Variants in GRM7 observed in about 807,000 individuals in gnomAD.
The protein encoded by GRM7 is glutamate metabotropic receptor 7.
GRM7 carries 35 observed loss-of-function variants against 84.5 expected under a neutral mutation model. The observed-to-expected ratio is 0.41, with a 90% CI of 0.32 to 0.55. The LOEUF (loss-of-function observed/expected upper bound fraction) is 0.55, where lower values mean the gene tolerates loss of function less well. Ranked by LOEUF, GRM7 falls within the 20% of genes least tolerant of loss-of-function variation. The probability of loss-of-function intolerance (pLI) is 0.19; values close to 1 mark genes in which losing one functional copy is unlikely to be tolerated. For synonymous variants in GRM7, 487 were observed against 455.1 expected, an observed-to-expected ratio of 1.07 and a Z score of -0.89; for missense variants, 1,003 against 1,194.6, an observed-to-expected ratio of 0.84 and a Z score of 2.36.
chr3:7,633,163 A>G (rs3729648), intron 8 of GRM7, among the ~76,000 whole-genome samples: 108,109 of 152,142 alleles, frequency 0.71, 38,751 homozygotes, highest in East Asian at 0.86. Flanking sequence ...ATCACAGGAC[A>G]AAAACGTGAA....
chr3:7,295,029 C>T (rs574845643), intron 2 of GRM7, among the ~76,000 whole-genome samples: 7 of 152,240 alleles, frequency 4.6e-5, no homozygotes, highest in Non-Finnish European at 5.9e-5. Flanking sequence ...CAATTTATCA[C>T]GTTTTTCTTT....
In GRM7 at chr3:7,250,383, T is replaced by C. The variant is rs577129308; in HGVS notation, c.737-48301T>C. Among the ~76,000 whole-genome samples the C allele has an allele frequency of 9.0e-4, 58 of 64,576 alleles. 1 individual carries two copies. In the South Asian group the frequency reaches 0.04, roughly 45 times the overall value. The allele number at this position is 64,576 out of a possible 152,430, so 42.4% of individuals were successfully genotyped here. On this transcript the variant is annotated intron_variant, in intron 2 of 9. Transcript: ENST00000357716. Reference sequence around the variant, plus strand: ...AAGAGTGAGTATATTTTATAAATTATTTAACTATAGAAATATATTTGGTGT... The same window carrying C: ...AAGAGTGAGTATATTTTATAAATTACTTAACTATAGAAATATATTTGGTGT...
chr3:7,505,909 C>T (rs187298678), intron 7 of GRM7, among the ~76,000 whole-genome samples: 36 of 152,342 alleles, frequency 2.4e-4, no homozygotes, highest in African/African-American at 8.2e-4. Flanking sequence ...TTGATCCATA[C>T]TAATTTCCTT....
chr3:7,401,864 C>T (rs750895471), intron 4 of GRM7, among the ~76,000 whole-genome samples: 2 of 152,110 alleles, frequency 1.3e-5, no homozygotes, highest in East Asian at 3.9e-4. Flanking sequence ...ATGACCCTTA[C>T]AGTTGCCAAT....
chr3:7,090,905 T>C (rs189442000), intron 1 of GRM7, among the ~76,000 whole-genome samples: 14 of 152,270 alleles, frequency 9.2e-5, no homozygotes, highest in Admixed American at 5.2e-4. Flanking sequence ...GGAATTCTAT[T>C]GCAGAGCTTT....
intron 2 of GRM7, among the ~76,000 whole-genome samples, chr3:7,176,707 G>A (rs1695163393): frequency 6.6e-6 from 1 of 152,082 alleles, no homozygotes; most frequent in African/African-American, 2.4e-5. Context: ...TTGTCTCTTA[G>A]AACTCTTGTT....
intron 4 of GRM7, among the ~76,000 whole-genome samples, chr3:7,404,782 G>C (rs997821603): frequency 3.3e-5 from 5 of 151,470 alleles, no homozygotes; most frequent in Non-Finnish European, 7.4e-5. Flanking sequence ...GAACTCTTTT[G>C]AGTCCTACAT....
intron 9 of GRM7, among the ~76,000 whole-genome samples, chr3:7,701,097 G>A (rs1198826948): frequency 6.6e-6 from 1 of 152,174 alleles, no homozygotes; most frequent in East Asian, 1.9e-4. Flanking sequence ...GATATATGAT[G>A]TGGAATTGGC....
chr3:7,190,331 A>T (rs1358983302), intron 2 of GRM7, among the ~76,000 whole-genome samples: 1 of 152,114 alleles, frequency 6.6e-6, no homozygotes, highest in East Asian at 1.9e-4. Flanking sequence ...TCTGTTAGTT[A>T]TTCTCAGCGT....
chr3:7,231,056 T>C (rs534677645), intron 2 of GRM7, among the ~76,000 whole-genome samples: 56 of 152,216 alleles, frequency 3.7e-4, no homozygotes, highest in Non-Finnish European at 7.2e-4. Flanking sequence ...GTGTTTGTGT[T>C]ATGGGGAAGG....
intron 7 of GRM7, among the ~76,000 whole-genome samples, chr3:7,514,507 C>A (rs1255491327): frequency 6.6e-6 from 1 of 152,066 alleles, no homozygotes; most frequent in Non-Finnish European, 1.5e-5. Flanking sequence ...TGGTAAAAAC[C>A]AGATGTAGGC....
At chr3:7,150,396 A>G (rs1184360135) in intron 2 of GRM7, among the ~76,000 whole-genome samples, 1 of 152,154 alleles carries the variant, frequency 6.6e-6, no homozygotes, top group African/African-American at 2.4e-5. Flanking sequence ...ACGAACCAAG[A>G]CAATGATGTC....
intron 1 of GRM7, among the ~76,000 whole-genome samples, chr3:6,871,015 G>T (rs980187039): frequency 3.9e-5 from 6 of 152,146 alleles, no homozygotes; most frequent in African/African-American, 1.2e-4. Flanking sequence ...ATTGAATGAG[G>T]AAGTGGAATT....
chr3:7,544,254 C>T (rs925254210), intron 7 of GRM7, among the ~76,000 whole-genome samples: 20 of 152,178 alleles, frequency 1.3e-4, no homozygotes, highest in Admixed American at 9.8e-4. Flanking sequence ...ACTCGAACTC[C>T]GGGGCTCAAG....
intron 1 of GRM7, among the ~76,000 whole-genome samples, chr3:6,898,288 A>T (rs750374850): frequency 4.5e-4 from 68 of 151,894 alleles, no homozygotes; most frequent in Admixed American, 1.4e-3. Flanking sequence ...TGGCATTTGA[A>T]TTGGGCGTGA....
intron 2 of GRM7, among the ~76,000 whole-genome samples, chr3:7,235,955 C>G (rs899393116): frequency 2.0e-5 from 3 of 152,130 alleles, no homozygotes; most frequent in African/African-American, 7.2e-5. Context: ...AAACAACAGG[C>G]ATTTATTTCT....
intron 7 of GRM7, among the ~76,000 whole-genome samples, chr3:7,476,516 C>T (rs2124930662): frequency 6.6e-6 from 1 of 152,174 alleles, no homozygotes; most frequent in African/African-American, 2.4e-5. Context: ...TACTTCACTC[C>T]AGCCTGGTGA....
chr3:7,145,102 A>G (rs1694067614), intron 1 of GRM7, among the ~76,000 whole-genome samples: 1 of 152,174 alleles, frequency 6.6e-6, no homozygotes, highest in African/African-American at 2.4e-5. Context: ...AAGGAAATAA[A>G]TGGGTTAATA....
intron 7 of GRM7, among the ~76,000 whole-genome samples, chr3:7,541,998 C>A (rs1431266960): frequency 1.3e-5 from 2 of 152,186 alleles, no homozygotes; most frequent in African/African-American, 4.8e-5. Flanking sequence ...TGCATCCTGG[C>A]ACCCTCTGCC....
Sources: gnomAD v4.1 joint callset for allele counts (sites outside exome capture counted in the v4.1 genomes callset) on GRCh38, gnomAD v4.1.1 for gene constraint, MANE v1.5 for transcripts, NCBI Gene and HGNC (gene_info 2026-07-23, HGNC 2026-07-21) for gene names.